LRP12: variants seen among roughly 807,000 people sequenced by gnomAD.
LRP12 encodes low-density lipoprotein receptor-related protein 12.
LRP12 carries 14 observed loss-of-function variants against 66.0 expected under a neutral mutation model. That is an observed-to-expected ratio of 0.21 (90% CI 0.14 to 0.33). The LOEUF (loss-of-function observed/expected upper bound fraction) is 0.33. Among genes scored for constraint, LRP12 ranks in the 10% least tolerant of loss-of-function variants. The pLI is 1.00. For missense variants in LRP12, 889 were observed against 1,053.4 expected (o/e 0.84, Z 2.16); for synonymous variants, 357 against 359.1 (o/e 0.99, Z 0.07).
chr8:104,577,080 A>G (rs1812175934), intron 1 of LRP12, among the ~76,000 whole-genome samples: 1 of 152,226 alleles, frequency 6.6e-6, no homozygotes, highest in Admixed American at 6.5e-5. Context: ...ACCCAGATTC[A>G]TAAGGCAAGT....
chr8:104,529,290 C>G (rs941509907), intron 2 of LRP12, among the ~76,000 whole-genome samples: 1 of 152,054 alleles, frequency 6.6e-6, no homozygotes, highest in African/African-American at 2.4e-5. Context: ...AGAAACCAAC[C>G]CTGCTGACAC....
At chr8:104,517,086 C>T (rs987397375) in intron 2 of LRP12, among the ~76,000 whole-genome samples, 1 of 150,900 alleles carries the variant, frequency 6.6e-6, no homozygotes, top group African/African-American at 2.4e-5. Flanking sequence ...ATGAAGGGCA[C>T]AAAAGAAATA....
In LRP12 at chr8:104,511,168, C is replaced by T. The variant is rs556151331; in HGVS notation, c.137-2094G>A. Among the ~76,000 whole-genome samples the T allele has an allele frequency of 2.0e-5, 3 of 150,424 alleles. No individual in the cohort carries two copies. In the South Asian group the frequency reaches 6.3e-4, roughly 32 times the overall value. On this transcript the variant is annotated intron_variant, in intron 2 of 6. Coordinates refer to ENST00000276654, the MANE Select transcript of LRP12 (RefSeq NM_013437.5). ...AAGCAATTCTCCTGCCTCAGCCTCC[C>T]GAGTAAGTAGGACTACAGGTGCACG... is the stretch of plus-strand genomic sequence containing the variant.
intron 2 of LRP12, among the ~76,000 whole-genome samples, chr8:104,517,090 A>G (rs1390535047): frequency 6.6e-6 from 1 of 151,640 alleles, no homozygotes; most frequent in Non-Finnish European, 1.5e-5. Context: ...AGGGCACAAA[A>G]GAAATAGAGA....
chr8:104,548,345 AAAT>A (rs1811657562), intron 1 of LRP12, among the ~76,000 whole-genome samples: 1 of 12,072 alleles, frequency 8.3e-5, no homozygotes, highest in African/African-American at 5.0e-4. Context: ...ATAAATATAT[AAAT>A]ATATAATATA....
chr8:104,560,268 C>T (rs1315884477), intron 1 of LRP12, among the ~76,000 whole-genome samples: 2 of 152,014 alleles, frequency 1.3e-5, no homozygotes, highest in Non-Finnish European at 2.9e-5. Context: ...CTCACAGTTA[C>T]TGAAGAACAG....
intron 4 of LRP12, among the ~76,000 whole-genome samples, chr8:104,498,738 C>T (rs11988545): frequency 0.013 from 1,979 of 152,178 alleles, 48 homozygotes; most frequent in African/African-American, 0.044. Context: ...AGGTTGGGTT[C>T]TAATGACAAA....
At chr8:104,512,293 G>C (rs1326783998) in intron 2 of LRP12, among the ~76,000 whole-genome samples, 1 of 152,120 alleles carries the variant, frequency 6.6e-6, no homozygotes, top group Non-Finnish European at 1.5e-5. Context: ...CTCCAGCCTG[G>C]TGACAGAGCG....
At chr8:104,583,205 T>C (rs1812282916) in intron 1 of LRP12, among the ~76,000 whole-genome samples, 1 of 152,186 alleles carries the variant, frequency 6.6e-6, no homozygotes, top group African/African-American at 2.4e-5. Context: ...AATCACATTA[T>C]GTCACTTAAA....
At chr8:104,528,892 C>A (rs180928437) in intron 2 of LRP12, among the ~76,000 whole-genome samples, 139 of 152,188 alleles carry the variant, frequency 9.1e-4, no homozygotes, top group Middle Eastern at 3.4e-3. Context: ...ATGTATTATT[C>A]TTCTCATTCT....
In LRP12 at chr8:104,549,400, CTT is replaced by C. The variant is rs66644217; in HGVS notation, c.80-17439_80-17438del. ...CTAAAAAACATCAACTCTGAATCCA[CTT>C]TTTTTTTTTTTTTTTTTTGAGACAG... On this transcript the variant is annotated intron_variant, in intron 1 of 6. Coordinates refer to ENST00000276654, the MANE Select transcript of LRP12 (RefSeq NM_013437.5). 3.9e-3 allele frequency among the ~76,000 whole-genome samples: 456 copies of C among 116,676 alleles called. 3 individuals are homozygous for C. Among genetic ancestry groups the C allele is most frequent in the African/African-American group, 0.014 (426 of 30,694 alleles). The allele number at this position is 116,676 out of a possible 152,430, so 76.5% of individuals were successfully genotyped here.
At chr8:104,540,922 C>A (rs187019633) in intron 1 of LRP12, among the ~76,000 whole-genome samples, 30 of 152,072 alleles carry the variant, frequency 2.0e-4, no homozygotes, top group Admixed American at 1.9e-3. Context: ...TTAGTAGAGA[C>A]GGGGTTTCAC....
intron 2 of LRP12, among the ~76,000 whole-genome samples, chr8:104,518,693 C>G (rs967221579): frequency 6.6e-6 from 1 of 152,028 alleles, no homozygotes; most frequent in Non-Finnish European, 1.5e-5. Flanking sequence ...ACAGGCAGAA[C>G]TGACCAGCTT....
chr8:104,543,246 A>T (rs577935329), intron 1 of LRP12, among the ~76,000 whole-genome samples: 3 of 152,180 alleles, frequency 2.0e-5, no homozygotes, highest in Admixed American at 2.0e-4. Context: ...TACATAGAGC[A>T]AGTCTATCAG....
At chr8:104,500,319 T>C (rs573379636) in intron 3 of LRP12, among the ~76,000 whole-genome samples, 58 of 152,248 alleles carry the variant, frequency 3.8e-4, no homozygotes, top group Non-Finnish European at 7.8e-4. Context: ...AGGATTATTA[T>C]ACCAGAATGT....
chr8:104,503,914 A>C (rs1309193849), intron 3 of LRP12, among the ~76,000 whole-genome samples: 2 of 152,154 alleles, frequency 1.3e-5, no homozygotes, highest in East Asian at 3.8e-4. Context: ...GCTATAATTA[A>C]CTTTGACATT....
chr8:104,539,775 T>C (rs1263478587), intron 1 of LRP12, among the ~76,000 whole-genome samples: 2 of 152,040 alleles, frequency 1.3e-5, no homozygotes, highest in Non-Finnish European at 2.9e-5. Flanking sequence ...TCAAATTATG[T>C]GAGAAGATAA....
chr8:104,558,966 G>A (rs1447920479), intron 1 of LRP12, among the ~76,000 whole-genome samples: 1 of 152,080 alleles, frequency 6.6e-6, no homozygotes, highest in Non-Finnish European at 1.5e-5. Flanking sequence ...ACAGATATTG[G>A]CATGGAATGT....
intron 5 of LRP12, among the ~76,000 whole-genome samples, chr8:104,496,531 ATC>A (rs1352095114): frequency 6.6e-6 from 1 of 152,076 alleles, no homozygotes; most frequent in Non-Finnish European, 1.5e-5. Context: ...TACTTTTGTC[ATC>A]TTATTCCATG....
Sources: gnomAD v4.1 joint callset for allele counts (sites outside exome capture counted in the v4.1 genomes callset) on GRCh38, gnomAD v4.1.1 for gene constraint, MANE v1.5 for transcripts, NCBI Gene and HGNC (gene_info 2026-07-23, HGNC 2026-07-21) for gene names.